The following TNIP3 variants were observed in gnomAD, a reference collection of about 807,000 sequenced individuals.
The protein encoded by TNIP3 is TNFAIP3 interacting protein 3, also known as TNFAIP3-interacting protein 3.
A neutral mutation model predicts 54.1 loss-of-function variants in TNIP3; 34 were observed. The ratio of observed to expected loss-of-function variants is 0.63; its 90% confidence interval spans 0.48 to 0.84. TNIP3 has a LOEUF of 0.84. Ranked by LOEUF, TNIP3 falls within the 40% of genes least tolerant of loss-of-function variation. The pLI, the probability that TNIP3 is intolerant of heterozygous loss-of-function variation, is 0.00. For synonymous variants in TNIP3, 134 were observed against 136.8 expected, an observed-to-expected ratio of 0.98 and a Z score of 0.14; for missense variants, 366 against 387.6, an observed-to-expected ratio of 0.94 and a Z score of 0.47.
At chr4:121,187,654 G>C (rs561758053) in intron 2 of TNIP3, among the ~76,000 whole-genome samples, 1 of 152,312 alleles carries the variant, frequency 6.6e-6, no homozygotes, top group East Asian at 1.9e-4. Flanking sequence ...CCCTCCAACT[G>C]AAATGTAGCT....
intron 2 of TNIP3, among the ~76,000 whole-genome samples, chr4:121,215,855 A>T (rs547057031): frequency 6.6e-6 from 1 of 151,100 alleles, no homozygotes; most frequent in Admixed American, 6.6e-5. Context: ...CAAACACAAT[A>T]TCTTGCATGT....
intron 6 of TNIP3, among the ~76,000 whole-genome samples, chr4:121,148,468 T>C (rs2148803610): frequency 6.6e-6 from 1 of 152,362 alleles, no homozygotes; most frequent in Non-Finnish European, 1.5e-5. Context: ...GTACCTTATA[T>C]GCGAGTTCCG....
At chr4:121,208,361 T>C (rs6534255) in intron 2 of TNIP3, among the ~76,000 whole-genome samples, 6,579 of 152,220 alleles carry the variant, frequency 0.043, 470 homozygotes, top group African/African-American at 0.15. Flanking sequence ...CTGAACTCAA[T>C]GTGTCGGCTG....
At chr4:121,150,485 C>T (rs1247218613) in intron 5 of TNIP3, among the ~76,000 whole-genome samples, 2 of 152,140 alleles carry the variant, frequency 1.3e-5, no homozygotes, top group Non-Finnish European at 2.9e-5. Context: ...CCTCCTCCAC[C>T]TAGCCAACTA....
rs1264797583 is a variant in TNIP3 at position 121,154,547 on chromosome 4, A to T, written c.492+4T>A. 1 of 1,613,488 alleles carries T rather than the reference A, an allele frequency of 6.2e-7. No individual in the cohort carries two copies. Among genetic ancestry groups the T allele is most frequent in the South Asian group, 1.1e-5 (1 of 90,984 alleles). On this transcript the variant is annotated splice_donor_region_variant and intron_variant, in intron 5 of 10. Coordinates refer to ENST00000057513, the MANE Select transcript of TNIP3 (RefSeq NM_024873.6). ...TAATCTCCCATGCTTGACCTGACTG[A>T]TACCTTATTGAGGCGTTTTATTTCA...
chr4:121,176,211 C>T (rs185295393), intron 3 of TNIP3, among the ~76,000 whole-genome samples: 41 of 152,330 alleles, frequency 2.7e-4, no homozygotes, highest in Non-Finnish European at 2.8e-4. Flanking sequence ...AATAACTTCA[C>T]CCATGTTGCC....
At chr4:121,153,958 C>G (rs989497074) in intron 5 of TNIP3, among the ~76,000 whole-genome samples, 1 of 151,986 alleles carries the variant, frequency 6.6e-6, no homozygotes, top group Admixed American at 6.6e-5. Flanking sequence ...AACTAGTTAG[C>G]GACCCATTCC....
chr4:121,189,289 C>T (rs1193112562), intron 2 of TNIP3, among the ~76,000 whole-genome samples: 3 of 152,104 alleles, frequency 2.0e-5, no homozygotes, highest in African/African-American at 7.2e-5. Context: ...ATGTCATAAA[C>T]CATTATTTTC....
At chr4:121,207,975 C>T (rs919735301) in intron 2 of TNIP3, among the ~76,000 whole-genome samples, 10 of 152,080 alleles carry the variant, frequency 6.6e-5, no homozygotes, top group Admixed American at 2.0e-4. Context: ...GTAGTAAATA[C>T]GTCTCCTGAA....
At chr4:121,185,993 T>G (rs1724996125) in intron 2 of TNIP3, among the ~76,000 whole-genome samples, 1 of 152,174 alleles carries the variant, frequency 6.6e-6, no homozygotes, top group South Asian at 2.1e-4. Context: ...GACAGAGTGG[T>G]GAAGGATCAG....
In TNIP3 at chr4:121,150,117, C is replaced by T. The variant is rs1404022042; in HGVS notation, c.595G>A (p.Val199Ile). The T allele has an allele frequency of 6.2e-7, 1 of 1,612,462 alleles. No homozygotes were observed. The highest frequency in any genetic ancestry group is 8.5e-7 in the Non-Finnish European group (1 of 1,178,824). ...CHEEMRTEME[V>I]LKQQVQIYEE... ...CAGCTTCTCACCTGCTGCTTCAGAA[C>T]TTCCATTTCTGTTCTCATCTCCTCA... is the stretch of plus-strand genomic sequence containing the variant. The change falls in exon 6 of 11, where the codon GTT becomes ATT. Residue 199 changes from valine (V) to isoleucine (I), a missense_variant. Physicochemically the swap from Val to Ile is conservative, Grantham distance 29. Coordinates refer to ENST00000057513, the MANE Select transcript of TNIP3 (RefSeq NM_024873.6).
At chr4:121,213,512 G>A (rs1726592728) in intron 2 of TNIP3, among the ~76,000 whole-genome samples, 1 of 152,068 alleles carries the variant, frequency 6.6e-6, no homozygotes, top group Non-Finnish European at 1.5e-5. Context: ...GGATCATGAG[G>A]TCAGGAGATC....
At chr4:121,215,422 C>G (rs1726732704) in intron 2 of TNIP3, among the ~76,000 whole-genome samples, 1 of 152,092 alleles carries the variant, frequency 6.6e-6, no homozygotes, top group African/African-American at 2.4e-5. Context: ...AGAATAAATT[C>G]TCAGCTATTT....
At chr4:121,198,220 T>C (rs1422846332) in intron 2 of TNIP3, among the ~76,000 whole-genome samples, 1 of 151,742 alleles carries the variant, frequency 6.6e-6, no homozygotes, top group East Asian at 1.9e-4. Context: ...CAAACCAAAA[T>C]GCTAAAGCAA....
intron 3 of TNIP3, among the ~76,000 whole-genome samples, chr4:121,181,301 A>C (rs1044222136): frequency 6.6e-6 from 1 of 152,232 alleles, no homozygotes; most frequent in Non-Finnish European, 1.5e-5. Context: ...TTAGACAAGA[A>C]GGTGGCTGGA....
chr4:121,226,613 CA>C (rs747175427), intron 1 of TNIP3, among the ~76,000 whole-genome samples: 1 of 152,152 alleles, frequency 6.6e-6, no homozygotes, highest in Non-Finnish European at 1.5e-5. Context: ...GCGGTTAAGC[CA>C]GAAAGCAAAT....
At chr4:121,157,838 G>T (rs1343440886) in intron 3 of TNIP3, among the ~76,000 whole-genome samples, 1 of 152,144 alleles carries the variant, frequency 6.6e-6, no homozygotes, top group Non-Finnish European at 1.5e-5. Flanking sequence ...CAAGCCGTTC[G>T]AGAAAGCAGC....
chr4:121,135,961 A>T (rs1477226595), intron 10 of TNIP3, among the ~76,000 whole-genome samples: 8 of 152,180 alleles, frequency 5.3e-5, no homozygotes, highest in Admixed American at 5.2e-4. Context: ...GGAATCCCAA[A>T]CAGGTAGACT....
intron 3 of TNIP3, among the ~76,000 whole-genome samples, chr4:121,171,172 G>A (rs1366761658): frequency 2.6e-5 from 4 of 152,162 alleles, no homozygotes; most frequent in African/African-American, 2.4e-5. Context: ...GAGGAGAACA[G>A]CCCCTGTTTG....
Sources: gnomAD v4.1 joint callset for allele counts (sites outside exome capture counted in the v4.1 genomes callset) on GRCh38, gnomAD v4.1.1 for gene constraint, MANE v1.5 for transcripts, NCBI Gene and HGNC (gene_info 2026-07-23, HGNC 2026-07-21) for gene names.